Variants in SLC20A2 observed in about 807,000 individuals in gnomAD.
The protein encoded by SLC20A2 is sodium-dependent phosphate transporter 2.
SLC20A2 carries 30 observed loss-of-function variants against 61.0 expected under a neutral mutation model. The observed-to-expected ratio is 0.49, with a 90% CI of 0.37 to 0.67. The LOEUF is 0.67. Among genes scored for constraint, SLC20A2 ranks in the 30% least tolerant of loss-of-function variants. The pLI, the probability that SLC20A2 is intolerant of heterozygous loss-of-function variation, is 0.00. For synonymous variants in SLC20A2, 351 were observed against 353.3 expected, an observed-to-expected ratio of 0.99 and a Z score of 0.07; for missense variants, 626 against 866.4, an observed-to-expected ratio of 0.72 and a Z score of 3.48.
At position 42,447,595 on chromosome 8, in the gene SLC20A2, A is replaced by G. The variant is rs183913478; in HGVS notation, c.614-2833T>C. Among the ~76,000 whole-genome samples, 1,157 of 151,726 alleles carry G rather than the reference A, an allele frequency of 7.6e-3. 6 individuals carry two copies. Among genetic ancestry groups the G allele is most frequent in the Middle Eastern group, 0.041 (12 of 294 alleles). On this transcript the variant is annotated intron_variant, in intron 5 of 10. Coordinates refer to ENST00000520262, the MANE Select transcript of SLC20A2 (RefSeq NM_001257180.2). The stretch of plus-strand genomic sequence containing the variant: ...CCGGAGGCTGAGGCAGGAGAATGGC[A>G]TGAACCCGGAAGGTGGAGCTGCAGT...
At chr8:42,422,411 T>G (rs1399255975) in intron 10 of SLC20A2, among the ~76,000 whole-genome samples, 1 of 152,210 alleles carries the variant, frequency 6.6e-6, no homozygotes, top group Non-Finnish European at 1.5e-5. Context: ...TCAATATTCA[T>G]CGGTAAACAG....
chr8:42,519,224 T>A (rs751759995), intron 1 of SLC20A2, among the ~76,000 whole-genome samples: 25 of 152,116 alleles, frequency 1.6e-4, no homozygotes, highest in Non-Finnish European at 3.4e-4. Flanking sequence ...GGCAGACAGA[T>A]CACGAGGTCA....
chr8:42,428,622 C>A, intron 10 of SLC20A2, 136 bp downstream of exon 10: 1 of 652,816 alleles, frequency 1.5e-6, no homozygotes. Context: ...ATACAAGGTC[C>A]CGGAGACCTG....
rs533992462 is a variant in SLC20A2, at chr8:42,457,216, C to A, written c.613+2680G>T. Among the ~76,000 whole-genome samples, 201 of 152,218 alleles carry A rather than the reference C, an allele frequency of 1.3e-3. 1 individual carries two copies. The highest frequency in any genetic ancestry group is 2.4e-3 in the Non-Finnish European group (163 of 67,994). On this transcript the variant is annotated intron_variant, in intron 5 of 10. Coordinates refer to ENST00000520262, the MANE Select transcript of SLC20A2 (RefSeq NM_001257180.2). The stretch of plus-strand genomic sequence containing the variant: ...CAGCGGGGATTATAGGTGTGAGCCA[C>A]CGCGCCCAGCCTCACTTAAAAAAAA...
intron 1 of SLC20A2, among the ~76,000 whole-genome samples, chr8:42,475,599 T>A (rs1181862182): frequency 6.6e-6 from 1 of 151,154 alleles, no homozygotes; most frequent in Non-Finnish European, 1.5e-5. Flanking sequence ...TTTGTAGAGA[T>A]GGGGTTTCAC....
chr8:42,531,816 CTTT>C (rs746692830), intron 1 of SLC20A2, among the ~76,000 whole-genome samples: 52 of 139,270 alleles, frequency 3.7e-4, no homozygotes, highest in African/African-American at 1.2e-3. Flanking sequence ...TAAGTCTCTG[CTTT>C]TTTTTTTTTT....
At chr8:42,449,006 A>AGTGT (rs764731530) in intron 5 of SLC20A2, among the ~76,000 whole-genome samples, 4 of 152,364 alleles carry the variant, frequency 2.6e-5, no homozygotes, top group Non-Finnish European at 5.9e-5. Context: ...AGCACAGGAC[A>AGTGT]GCGCCTGAAT....
chr8:42,432,821 G>A (rs1024069077), intron 8 of SLC20A2, among the ~76,000 whole-genome samples: 3 of 152,174 alleles, frequency 2.0e-5, no homozygotes, highest in Non-Finnish European at 4.4e-5. Context: ...TCAAATTAAG[G>A]TATGTACATT....
chr8:42,502,413 A>C (rs1810382912), upstream of SLC20A2: 1 of 152,228 alleles, frequency 6.6e-6, no homozygotes, highest in Non-Finnish European at 1.5e-5. Flanking sequence ...GGGGCTTAAA[A>C]AGCCCTCCTT....
chr8:42,442,490 G>A (rs1804862613), intron 6 of SLC20A2, among the ~76,000 whole-genome samples: 1 of 152,128 alleles, frequency 6.6e-6, no homozygotes, highest in Non-Finnish European at 1.5e-5. Context: ...AACTGTTTCT[G>A]TACCTTTGTT....
chr8:42,541,461 G>A (rs1326215753), intron 1 of SLC20A2: 1 of 147,340 alleles, frequency 6.8e-6, no homozygotes, highest in African/African-American at 2.5e-5. Flanking sequence ...CGCGCCCGGG[G>A]GCGGCACTGG....
At chr8:42,505,355 T>G (rs1468758891), upstream of SLC20A2, among the ~76,000 whole-genome samples, 1 of 151,946 alleles carries the variant, frequency 6.6e-6, no homozygotes, top group South Asian at 2.1e-4. Context: ...AGTAAATAAA[T>G]AGGCTGGGCT....
rs869057900 is a variant in SLC20A2, at chr8:42,443,264, GATAT to G, written c.730+1378_730+1381del. ...TATAATAATACAATTATTATTATAG[GATAT>G]ATATATATATATATATATATATATA... On this transcript the variant is annotated intron_variant, in intron 6 of 10. Transcript: ENST00000520262. Among the ~76,000 whole-genome samples the G allele has an allele frequency of 3.4e-4, 36 of 105,468 alleles. No individual in the cohort carries two copies. In the East Asian group the frequency reaches 9.2e-3, roughly 27 times the overall value. 69.2% of individuals were successfully genotyped at this position (105,468 alleles called of 152,430 possible). A position where few individuals can be genotyped will look rare whatever the true frequency, so the allele number is the denominator to read the frequency against.
At chr8:42,486,930 G>A (rs1319140471) in intron 1 of SLC20A2, among the ~76,000 whole-genome samples, 1 of 152,016 alleles carries the variant, frequency 6.6e-6, no homozygotes, top group Non-Finnish European at 1.5e-5. Context: ...GCAATGGTGT[G>A]ATCTCAGCCC....
intron 1 of SLC20A2, among the ~76,000 whole-genome samples, chr8:42,474,968 T>G (rs1807949092): frequency 4.0e-5 from 6 of 150,608 alleles, no homozygotes; most frequent in South Asian, 2.1e-4. Flanking sequence ...GTTCTCATGG[T>G]GGGAAGGAGG....
At chr8:42,452,652 A>C (rs1313726928) in intron 5 of SLC20A2, among the ~76,000 whole-genome samples, 2 of 149,478 alleles carry the variant, frequency 1.3e-5, no homozygotes, top group Non-Finnish European at 3.0e-5. Flanking sequence ...GAAGAGATAA[A>C]GAGGAGGAGA....
chr8:42,526,541 T>C (rs978877894), intron 1 of SLC20A2, among the ~76,000 whole-genome samples: 19 of 151,406 alleles, frequency 1.3e-4, no homozygotes, highest in Admixed American at 2.6e-4. Context: ...GGTGTGGTGG[T>C]GGGCACCTGT....
chr8:42,466,670 T>C (rs1807198346), intron 2 of SLC20A2, among the ~76,000 whole-genome samples: 1 of 151,852 alleles, frequency 6.6e-6, no homozygotes, highest in Non-Finnish European at 1.5e-5. Context: ...TTTCTTTTCT[T>C]TTCTTTTTTT....
upstream of SLC20A2, among the ~76,000 whole-genome samples, chr8:42,503,886 T>C (rs1170209078): frequency 6.6e-6 from 1 of 152,216 alleles, no homozygotes; most frequent in Non-Finnish European, 1.5e-5. Flanking sequence ...ACTGGGCATA[T>C]AGGATGAAAA....
Sources: allele counts gnomAD v4.1 joint callset (sites outside exome capture counted in the v4.1 genomes callset), GRCh38; gene constraint gnomAD v4.1.1; transcripts MANE v1.5; gene names NCBI Gene and HGNC (gene_info 2026-07-23, HGNC 2026-07-21).